MRPS14: variants seen among roughly 807,000 people sequenced by gnomAD.
MRPS14 encodes the protein small ribosomal subunit protein uS14m.
MRPS14 carries 14 observed loss-of-function variants against 16.4 expected under a neutral mutation model. The ratio of observed to expected loss-of-function variants is 0.85; its 90% CI spans 0.56 to 1.33. The LOEUF (loss-of-function observed/expected upper bound fraction) is 1.33. Among genes scored for constraint, MRPS14 ranks in the 40% most tolerant of loss-of-function variants. The pLI, the probability that MRPS14 is intolerant of heterozygous loss-of-function variation, is 0.00. For synonymous variants in MRPS14, 54 were observed against 61.9 expected, an observed-to-expected ratio of 0.87 and a Z score of 0.60; for missense variants, 162 against 176.8, an observed-to-expected ratio of 0.92 and a Z score of 0.48.
chr1:175,017,913 C>G (rs1672912760), intron 2 of MRPS14, among the ~76,000 whole-genome samples: 1 of 152,164 alleles, frequency 6.6e-6, no homozygotes, highest in South Asian at 2.1e-4. Flanking sequence ...ATCACAAGAT[C>G]AGGAGTTCGA....
In MRPS14 at chr1:175,014,116, T is replaced by C. The variant is rs1054845701; in HGVS notation, c.*553A>G. ...AATTTGTTTTAAAGTCCCTTAAGGA[T>C]GGACAAGAAAACACTTAGTGGTTCT... is the stretch of plus-strand genomic sequence containing the variant. On this transcript the variant is annotated 3_prime_UTR_variant, in exon 3 of 3. Transcript: ENST00000476371. The C allele has an allele frequency of 5.1e-5, 8 of 156,680 alleles. No homozygotes were observed. The highest frequency in any genetic ancestry group is 1.1e-4 in the Non-Finnish European group (8 of 71,176). The allele number at this position is 156,680 out of a possible 1,614,324, so 9.7% of individuals were successfully genotyped here.
chr1:175,023,257 T>G, intron 1 of MRPS14, 107 bp downstream of exon 1: 1 of 1,561,410 alleles, frequency 6.4e-7, no homozygotes, highest in Non-Finnish European at 8.7e-7. Flanking sequence ...GGAGAACCCC[T>G]GGACTGGTCC....
intron 2 of MRPS14, among the ~76,000 whole-genome samples, chr1:175,017,228 T>C (rs938855354): frequency 1.3e-5 from 2 of 152,144 alleles, no homozygotes; most frequent in Non-Finnish European, 2.9e-5. Flanking sequence ...CTAAGTTTTG[T>C]ATTTTTAGTA....
At position 175,014,283 on chromosome 1, in the gene MRPS14, A is replaced by G. The variant is rs1672839445; in HGVS notation, c.*386T>C. ...CTAGTCCAGGATTACAAACTGCCAT[A>G]CATGAGCTACATGTCAATTAGTTGG... On this transcript the variant is annotated 3_prime_UTR_variant, in exon 3 of 3. Coordinates refer to ENST00000476371, the MANE Select transcript of MRPS14 (RefSeq NM_022100.3). 1 of 320,300 alleles carries G rather than the reference A, an allele frequency of 3.1e-6. No homozygotes were observed. The highest frequency in any genetic ancestry group is 4.9e-5 in the Admixed American group (1 of 20,352). 19.8% of individuals were successfully genotyped at this position (320,300 alleles called of 1,614,324 possible).
rs1673012231 is a variant in MRPS14, at chr1:175,023,209, C to T, written c.45+155G>A. On this transcript the variant is annotated intron_variant, in intron 1 of 2. Transcript: ENST00000476371. ...CCAAATTGACATCTGCAGCTCGGACCTCCCCTGAACCAAGCCCAAGCGCGG... is the reference window on the plus strand; with the variant it reads ...CCAAATTGACATCTGCAGCTCGGACTTCCCCTGAACCAAGCCCAAGCGCGG... The T allele has an allele frequency of 2.0e-6, 3 of 1,518,512 alleles. No individual in the cohort carries two copies. The South Asian group carries it at 3.8e-5, about 19-fold the overall frequency. The allele number at this position is 1,518,512 out of a possible 1,614,324, so 94.1% of individuals were successfully genotyped here. A position where few individuals can be genotyped will look rare whatever the true frequency, so the allele number is the denominator to read the frequency against.
At chr1:175,020,114 C>T (rs1672951678) in intron 1 of MRPS14, among the ~76,000 whole-genome samples, 1 of 152,080 alleles carries the variant, frequency 6.6e-6, no homozygotes, top group East Asian at 1.9e-4. Context: ...GCCTTGGTAA[C>T]CATGGATGGA....
chr1:175,016,217 AC>A (rs1190446886), intron 2 of MRPS14, among the ~76,000 whole-genome samples: 4 of 152,006 alleles, frequency 2.6e-5, no homozygotes, highest in Non-Finnish European at 5.9e-5. Flanking sequence ...ACAAAAAAAA[AC>A]CATGATTGAG....
At chr1:175,014,892 T>C in intron 2 of MRPS14, 41 bp from the exon 3 acceptor site, 1 of 1,570,582 alleles carries the variant, frequency 6.4e-7, no homozygotes, top group African/African-American at 1.4e-5. Context: ...CATTACATTG[T>C]TGCACATGTA....
rs1286689328 is a variant in MRPS14 at position 175,013,455 on chromosome 1, G to C, written c.*1214C>G. ...AGATATAATCAGTCTTGTAAGTCTT[G>C]CCCAATTTTCTTTCCTAAAACTTTA... is the stretch of plus-strand genomic sequence containing the variant. On this transcript the variant is annotated 3_prime_UTR_variant, in exon 3 of 3. Coordinates refer to ENST00000476371, the MANE Select transcript of MRPS14 (RefSeq NM_022100.3). 1 of 152,106 alleles carries C rather than the reference G, an allele frequency of 6.6e-6. No homozygotes were observed. Among genetic ancestry groups the C allele is most frequent in the East Asian group, 1.9e-4 (1 of 5,196 alleles). The allele number at this position is 152,106 out of a possible 1,614,324, so 9.4% of individuals were successfully genotyped here.
chr1:175,021,325 TG>T (rs1220208970), intron 1 of MRPS14, among the ~76,000 whole-genome samples: 1 of 152,228 alleles, frequency 6.6e-6, no homozygotes, highest in Non-Finnish European at 1.5e-5. Context: ...TCTTAATTCC[TG>T]GTTATTTCAA....
chr1:175,019,722 C>T (rs757718430), intron 1 of MRPS14, among the ~76,000 whole-genome samples: 19 of 152,212 alleles, frequency 1.2e-4, no homozygotes, highest in Admixed American at 3.9e-4. Flanking sequence ...CACATTTTCA[C>T]GGTGATAATT....
At position 175,013,965 on chromosome 1, in the gene MRPS14, T is replaced by C. The variant is rs923138976; in HGVS notation, c.*704A>G. The C allele has an allele frequency of 6.6e-6, 1 of 152,250 alleles. No individual in the cohort carries two copies. The highest frequency in any genetic ancestry group is 2.4e-5 in the African/African-American group (1 of 41,460). The allele number at this position is 152,250 out of a possible 1,614,324, so 9.4% of individuals were successfully genotyped here. A position where few individuals can be genotyped will look rare whatever the true frequency, so the allele number is the denominator to read the frequency against. Reference sequence around the variant, plus strand: ...ATGATCACACTGTTGAGTTACTGAATGAGAACTTTGTGCTACCCTTACTCA... The same window carrying C: ...ATGATCACACTGTTGAGTTACTGAACGAGAACTTTGTGCTACCCTTACTCA... On this transcript the variant is annotated 3_prime_UTR_variant, in exon 3 of 3. Coordinates refer to ENST00000476371, the MANE Select transcript of MRPS14 (RefSeq NM_022100.3).
At chr1:175,020,669 C>T (rs1383317864) in intron 1 of MRPS14, among the ~76,000 whole-genome samples, 1 of 152,082 alleles carries the variant, frequency 6.6e-6, no homozygotes, top group Admixed American at 6.6e-5. Flanking sequence ...CCACAACACC[C>T]GGCTAATTTT....
rs1048244435 is a variant in MRPS14 at position 175,018,304 on chromosome 1, A to C, written c.204+114T>G. On this transcript the variant is annotated intron_variant, in intron 2 of 2. Coordinates refer to ENST00000476371, the MANE Select transcript of MRPS14 (RefSeq NM_022100.3). Reference sequence around the variant, plus strand: ...AGACTATTTGTTTATATTGATGTGGATCTTATTCTCCAGAAATTATATTGA... The same window carrying C: ...AGACTATTTGTTTATATTGATGTGGCTCTTATTCTCCAGAAATTATATTGA... 30 of 1,042,300 alleles carry C rather than the reference A, an allele frequency of 2.9e-5. No homozygotes were observed. In the African/African-American group the frequency reaches 4.5e-4, roughly 16 times the overall value. 64.6% of individuals were successfully genotyped at this position (1,042,300 alleles called of 1,614,324 possible). A position where few individuals can be genotyped will look rare whatever the true frequency, so the allele number is the denominator to read the frequency against.
intron 2 of MRPS14, among the ~76,000 whole-genome samples, chr1:175,015,641 G>A (rs1357461600): frequency 6.6e-6 from 1 of 152,172 alleles, no homozygotes; most frequent in Admixed American, 6.5e-5. Flanking sequence ...GTTGAGGGGA[G>A]AAAAGTAGGG....
At chr1:175,017,814 A>C (rs1672910793) in intron 2 of MRPS14, among the ~76,000 whole-genome samples, 1 of 152,146 alleles carries the variant, frequency 6.6e-6, no homozygotes, top group South Asian at 2.1e-4. Flanking sequence ...AATGCCTCCC[A>C]ATGCCTTGCC....
intron 2 of MRPS14, among the ~76,000 whole-genome samples, chr1:175,017,066 T>C (rs1672894054): frequency 6.6e-6 from 1 of 151,808 alleles, no homozygotes; most frequent in African/African-American, 2.4e-5. Context: ...CCTTTTTTTT[T>C]TGTTTTGAGA....
intron 2 of MRPS14, among the ~76,000 whole-genome samples, chr1:175,015,661 G>A (rs10489331): frequency 0.14 from 21,231 of 152,224 alleles, 4,891 homozygotes; most frequent in African/African-American, 0.48. Context: ...GATTACAGCA[G>A]TAGCTAGGGC....
chr1:175,018,621 C>T, intron 1 of MRPS14, 45 bp from the exon 2 acceptor site: 1 of 1,514,784 alleles, frequency 6.6e-7, no homozygotes, highest in Non-Finnish European at 8.9e-7. Context: ...GCCAGGACAA[C>T]ATTCTGAGTG....
Sources: allele counts gnomAD v4.1 joint callset (sites outside exome capture counted in the v4.1 genomes callset), GRCh38; gene constraint gnomAD v4.1.1; transcripts MANE v1.5; gene names NCBI Gene and HGNC (gene_info 2026-07-23, HGNC 2026-07-21).